ZNF660: variants seen among roughly 807,000 people sequenced by gnomAD.
The protein encoded by ZNF660 is zinc finger protein 660.
ZNF660 carries 24 observed loss-of-function variants against 23.2 expected under a neutral mutation model. That is an observed-to-expected ratio of 1.04 (90% CI 0.75 to 1.46). ZNF660 has a LOEUF of 1.46. Among genes scored for constraint, ZNF660 ranks in the 40% most tolerant of loss-of-function variants. ZNF660 has a pLI of 0.00. For synonymous variants in ZNF660, 117 were observed against 131.4 expected (o/e 0.89, Z 0.75); for missense variants, 373 against 396.8 (o/e 0.94, Z 0.51).
In ZNF660 at chr3:44,594,397, T is replaced by C. The variant is rs755309796; in HGVS notation, c.204T>C (p.His68=). 9 of 1,613,962 alleles carry C rather than the reference T, an allele frequency of 5.6e-6. No individual in the cohort carries two copies. The highest frequency in any genetic ancestry group is 7.6e-6 in the Non-Finnish European group (9 of 1,179,988). ...AFSQSANLTV[H]ERIHTGEKPY... ...GTCAGAGTGCAAACCTCACAGTACA[T>C]GAGCGAATCCACACGGGAGAGAAAC... The change falls in exon 3 of 3, where the codon CAT becomes CAC. Residue 68 remains histidine (H), a synonymous_variant. Transcript: ENST00000322734.
In ZNF660 at chr3:44,595,263, C is replaced by T. The variant is rs1202463705; in HGVS notation, c.*74C>T. On this transcript the variant is annotated 3_prime_UTR_variant, in exon 3 of 3. Coordinates refer to ENST00000322734, the MANE Select transcript of ZNF660 (RefSeq NM_173658.4). ...TAGTTCTTTAGTATCAACTTTAATT[C>T]TACTTCTAAGAATCATACTCTACTT... 1.4e-6 allele frequency: 2 copies of T among 1,447,240 alleles called. No individual in the cohort carries two copies. Among genetic ancestry groups the T allele is most frequent in the East Asian group, 4.6e-5 (2 of 43,406 alleles). 89.6% of individuals were successfully genotyped at this position (1,447,240 alleles called of 1,614,324 possible).
rs923607083 is a variant in ZNF660 at position 44,595,949 on chromosome 3, G to C, written c.*760G>C. The C allele has an allele frequency of 1.2e-5, 2 of 167,036 alleles. No homozygotes were observed. The highest frequency in any genetic ancestry group is 4.8e-5 in the African/African-American group (2 of 41,430). The allele number at this position is 167,036 out of a possible 1,614,324, so 10.3% of individuals were successfully genotyped here. ...ACAAAATATATAATAACACTGTTAG[G>C]TTAAAAGAACACAGCAAAAATTCAC... On this transcript the variant is annotated 3_prime_UTR_variant, in exon 3 of 3. Transcript: ENST00000322734.
Position 44,594,812 on chromosome 3 carries a change from G to T in ZNF660, c.619G>T (p.Asp207Tyr). Residue 207 changes from aspartate (D) to tyrosine (Y), a missense_variant, in exon 3 of 3, where the codon GAC (aspartate) becomes TAC (tyrosine). Coordinates refer to ENST00000322734, the MANE Select transcript of ZNF660 (RefSeq NM_173658.4). ...ATGTGGTTCTAATACAAAGATTATG[G>T]ACCATCAGAGAATTCACACTGGAGA... ...KTCGSNTKIM[D>Y]HQRIHTGEKP... is the part of the protein sequence containing the mutation. The T allele has an allele frequency of 6.2e-7, 1 of 1,614,088 alleles. No individual in the cohort carries two copies. The highest frequency in any genetic ancestry group is 1.7e-5 in the Admixed American group (1 of 60,012).
In ZNF660 at chr3:44,594,836, G is replaced by GAGA; in HGVS notation, c.646_648dup (p.Lys216dup). On this transcript the variant is annotated inframe_insertion, in exon 3 of 3. Coordinates refer to ENST00000322734, the MANE Select transcript of ZNF660 (RefSeq NM_173658.4). Reference sequence around the variant, plus strand: ...GGACCATCAGAGAATTCACACTGGAGAGAAGCCTTATGAATGTGATGAGTG... The same window carrying GAGA: ...GGACCATCAGAGAATTCACACTGGAGAGAAGAAGCCTTATGAATGTGATGAGTG... The GAGA allele has an allele frequency of 6.2e-7, 1 of 1,614,170 alleles. No individual in the cohort carries two copies. Among genetic ancestry groups the GAGA allele is most frequent in the Non-Finnish European group, 8.5e-7 (1 of 1,180,028 alleles).
intron 2 of ZNF660, among the ~76,000 whole-genome samples, chr3:44,588,201 T>A (rs529601464): frequency 6.6e-6 from 1 of 152,220 alleles, no homozygotes; most frequent in Non-Finnish European, 1.5e-5. Flanking sequence ...CTCAGGAAGC[T>A]TTTACTCATG....
At chr3:44,588,658 T>C (rs779969066) in intron 2 of ZNF660, among the ~76,000 whole-genome samples, 8 of 152,118 alleles carry the variant, frequency 5.3e-5, no homozygotes, top group Non-Finnish European at 1.0e-4. Context: ...CACACCTGGC[T>C]CACTTTTTAA....
intron 1 of ZNF660, among the ~76,000 whole-genome samples, chr3:44,585,414 G>T (rs1700198044): frequency 1.3e-5 from 2 of 152,164 alleles, no homozygotes; most frequent in South Asian, 4.1e-4. Flanking sequence ...ACGGAGTCTT[G>T]CCCAAGGTTA....
At chr3:44,587,023 T>A (rs936256870) in intron 2 of ZNF660, 1 of 152,228 alleles carries the variant, frequency 6.6e-6, no homozygotes, top group African/African-American at 2.4e-5. Flanking sequence ...TATCAGCTTT[T>A]TCACATGGTG....
At position 44,586,179 on chromosome 3, in the gene ZNF660, C is replaced by A. The variant is rs1700220832; in HGVS notation, c.-215C>A. On this transcript the variant is annotated 5_prime_UTR_variant, in exon 2 of 3. Transcript: ENST00000322734. ...CAGGCAAGATCTGTGCTGTGCAGATCCTTTGGATTGAGGCTGCTGTGCACA... is the reference window on the plus strand; with the variant it reads ...CAGGCAAGATCTGTGCTGTGCAGATACTTTGGATTGAGGCTGCTGTGCACA... 6.6e-6 allele frequency: 1 copy of A among 152,138 alleles called. No homozygotes were observed. Among genetic ancestry groups the A allele is most frequent in the South Asian group, 2.1e-4 (1 of 4,824 alleles). 9.4% of individuals were successfully genotyped at this position (152,138 alleles called of 1,614,324 possible).
At position 44,594,374 on chromosome 3, in the gene ZNF660, C is replaced by T; in HGVS notation, c.181C>T (p.Gln61Ter). 1 of 1,613,998 alleles carries T rather than the reference C, an allele frequency of 6.2e-7. No individual in the cohort carries two copies. Among genetic ancestry groups the T allele is most frequent in the Non-Finnish European group, 8.5e-7 (1 of 1,179,980 alleles). Residue 61 changes from glutamine to a stop codon, truncating the protein, a stop_gained, in exon 3 of 3, where the codon CAG becomes TAG. Transcript: ENST00000322734. LOFTEE classifies it high-confidence loss of function. ...VCTECGKAFSQSANLTVHERI... is the reference protein window; with the variant it reads ...VCTECGKAFS ...TACTGAGTGTGGGAAAGCCTTTAGT[C>T]AGAGTGCAAACCTCACAGTACATGA...
intron 2 of ZNF660, 25 bp from the exon 3 acceptor site, chr3:44,593,989 G>A (rs1480712984): frequency 4.3e-6 from 3 of 694,716 alleles, no homozygotes; most frequent in Admixed American, 2.1e-5. Context: ...TAGGTGACAT[G>A]TGCAATTTCT....
chr3:44,599,641 G>A lies in ZNF660; in HGVS notation c.*4452G>A, dbSNP rs1700733772. 6.6e-6 allele frequency: 1 copy of A among 152,052 alleles called. No individual in the cohort carries two copies. The highest frequency in any genetic ancestry group is 2.4e-5 in the African/African-American group (1 of 41,370). The allele number at this position is 152,052 out of a possible 1,614,324, so 9.4% of individuals were successfully genotyped here. A position where few individuals can be genotyped will look rare whatever the true frequency, so the allele number is the denominator to read the frequency against. ...GTTATAAAACTGGAGTCATGAAATT[G>A]TTTTGCAGGAAGTAGTGATAATTCC... On this transcript the variant is annotated 3_prime_UTR_variant, in exon 3 of 3. Transcript: ENST00000322734.
intron 2 of ZNF660, among the ~76,000 whole-genome samples, chr3:44,589,379 A>C (rs991076519): frequency 6.6e-6 from 1 of 152,102 alleles, no homozygotes; most frequent in African/African-American, 2.4e-5. Flanking sequence ...TTCTGGGAAA[A>C]CCAGGATATA....
chr3:44,590,207 G>C (rs1304572983), intron 2 of ZNF660, among the ~76,000 whole-genome samples: 2 of 151,882 alleles, frequency 1.3e-5, no homozygotes, highest in Non-Finnish European at 2.9e-5. Context: ...GTATTAGTGT[G>C]CTTGGGTTAC....
rs143217347 is a variant in ZNF660, at chr3:44,594,738, G to A, written c.545G>A (p.Arg182Gln). The change falls in exon 3 of 3, where the codon CGA (arginine) becomes CAA (glutamine). Residue 182 changes from arginine to glutamine, a missense_variant. By Grantham distance (43) the Arg-to-Gln change is conservative (BLOSUM62 1). Coordinates refer to ENST00000322734, the MANE Select transcript of ZNF660 (RefSeq NM_173658.4). ...SRSSNLTQHQ[R>Q]MHRGKKVYKC... ...AGTTCAAACCTTACTCAACATCAGCGAATGCACAGAGGAAAAAAAGTTTAC... is the reference window on the plus strand; with the variant it reads ...AGTTCAAACCTTACTCAACATCAGCAAATGCACAGAGGAAAAAAAGTTTAC... The A allele has an allele frequency of 1.3e-4, 204 of 1,614,014 alleles. 2 individuals are homozygous for A. The East Asian group carries it at 1.6e-3, about 12-fold the overall frequency.
rs1312529799 is a variant in ZNF660, at chr3:44,598,985, C to G, written c.*3796C>G. On this transcript the variant is annotated 3_prime_UTR_variant, in exon 3 of 3. Coordinates refer to ENST00000322734, the MANE Select transcript of ZNF660 (RefSeq NM_173658.4). The stretch of plus-strand genomic sequence containing the variant: ...CTGCACTGCAGCCTAGGTCACGGAG[C>G]AAGACCCTGTCTCAGAAACAAAACA... 1 of 151,984 alleles carries G rather than the reference C, an allele frequency of 6.6e-6. No homozygotes were observed. The highest frequency in any genetic ancestry group is 1.5e-5 in the Non-Finnish European group (1 of 68,104). The allele number at this position is 151,984 out of a possible 1,614,324, so 9.4% of individuals were successfully genotyped here. A position where few individuals can be genotyped will look rare whatever the true frequency, so the allele number is the denominator to read the frequency against.
Position 44,594,960 on chromosome 3 carries a change from C to T in ZNF660, c.767C>T (p.Thr256Ile). ...YKCNECGKAF[T>I]SNRNLVDHQR... Reference sequence around the variant, plus strand: ...TGTAATGAGTGTGGGAAGGCTTTTACTTCTAATCGAAACCTTGTTGATCAT... The same window carrying T: ...TGTAATGAGTGTGGGAAGGCTTTTATTTCTAATCGAAACCTTGTTGATCAT... Residue 256 changes from threonine (T) to isoleucine (I), a missense_variant, in exon 3 of 3, where the codon ACT becomes ATT. By Grantham distance (89) the Thr-to-Ile change is moderately conservative. Coordinates refer to ENST00000322734, the MANE Select transcript of ZNF660 (RefSeq NM_173658.4). 1 of 1,613,944 alleles carries T rather than the reference C, an allele frequency of 6.2e-7. No homozygotes were observed. Among genetic ancestry groups the T allele is most frequent in the Non-Finnish European group, 8.5e-7 (1 of 1,179,978 alleles).
At chr3:44,593,026 C>A (rs534155640) in intron 2 of ZNF660, among the ~76,000 whole-genome samples, 2 of 151,484 alleles carry the variant, frequency 1.3e-5, no homozygotes, top group South Asian at 4.2e-4. Context: ...GCACTCCAGC[C>A]TGGGCGACAG....
chr3:44,589,766 A>C (rs1291817252), intron 2 of ZNF660, among the ~76,000 whole-genome samples: 1 of 152,172 alleles, frequency 6.6e-6, no homozygotes, highest in East Asian at 1.9e-4. Context: ...TCTGGTTGGA[A>C]TCACTTCAGG....
Sources: allele counts gnomAD v4.1 joint callset (sites outside exome capture counted in the v4.1 genomes callset), GRCh38; gene constraint gnomAD v4.1.1; transcripts MANE v1.5; gene names NCBI Gene and HGNC (gene_info 2026-07-23, HGNC 2026-07-21).